Variants in ST6GAL2 observed in about 807,000 individuals in gnomAD.
ST6GAL2 encodes the protein beta-galactoside alpha-2,6-sialyltransferase 2.
In ST6GAL2, 24 loss-of-function variants were observed where a neutral mutation model predicts 37.5. The observed-to-expected ratio is 0.64, with a 90% CI of 0.46 to 0.90. The LOEUF is 0.90. ST6GAL2 is among the 40% of genes least tolerant of loss of function. ST6GAL2 has a pLI of 0.00. For missense variants in ST6GAL2, 715 were observed against 712.7 expected (o/e 1.00, Z -0.04); for synonymous variants, 306 against 295.1 (o/e 1.04, Z -0.38).
At chr2:106,814,340 A>T (rs980299139) in intron 5 of ST6GAL2, among the ~76,000 whole-genome samples, 1 of 152,240 alleles carries the variant, frequency 6.6e-6, no homozygotes, top group African/African-American at 2.4e-5. Context: ...ATGAGATTCC[A>T]AAAGCCAATA....
chr2:106,863,960 T>C (rs1270418858), intron 1 of ST6GAL2, among the ~76,000 whole-genome samples: 1 of 152,206 alleles, frequency 6.6e-6, no homozygotes, highest in Admixed American at 6.5e-5. Flanking sequence ...CTGGGTTCTA[T>C]CCCAGACTCA....
Position 106,843,152 on chromosome 2 carries a change from A to G in ST6GAL2, c.826T>C (p.Trp276Arg). The G allele has an allele frequency of 1.9e-6, 3 of 1,558,646 alleles. No homozygotes were observed. The highest frequency in any genetic ancestry group is 2.6e-6 in the Non-Finnish European group (3 of 1,154,122). The change falls in exon 2 of 6, where the codon TGG (tryptophan) becomes CGG (arginine). Residue 276 changes from tryptophan to arginine, a missense_variant. By Grantham distance (101) the Trp-to-Arg change is moderately radical (BLOSUM62 -3). Transcript: ENST00000409382. ...GTEAPFSALG[W>R]RRLVPAVPLS... The stretch of plus-strand genomic sequence containing the variant: ...GGCACGGCGGGCACCAGGCGCCGCC[A>G]GCCCAGCGCAGAAAAGGGCGCCTCG...
At chr2:106,829,990 C>T (rs1356623269) in intron 5 of ST6GAL2, 76 bp downstream of exon 5, 25 of 1,371,424 alleles carry the variant, frequency 1.8e-5, no homozygotes, top group Middle Eastern at 3.6e-4. Context: ...CTGTATAACA[C>T]GACTGTATAT....
intron 1 of ST6GAL2, among the ~76,000 whole-genome samples, chr2:106,849,683 T>C (rs889630201): frequency 2.6e-5 from 4 of 152,286 alleles, no homozygotes; most frequent in African/African-American, 9.6e-5. Flanking sequence ...AAGAGACATG[T>C]ACCATCTATC....
At chr2:106,822,868 T>C (rs922367573) in intron 5 of ST6GAL2, 1 of 152,168 alleles carries the variant, frequency 6.6e-6, no homozygotes, top group African/African-American at 2.4e-5. Flanking sequence ...AATGAAAGCA[T>C]AGTTTAATTT....
Position 106,843,837 on chromosome 2 carries a change from C to T in ST6GAL2, c.141G>A (p.Glu47=), listed in dbSNP as rs267598828. ...CCTGCACCGGCAGGAGCCTCCTGGTCTCCAGGAAGGAGAGGGAGCTGGGTA... is the reference window on the plus strand; with the variant it reads ...CCTGCACCGGCAGGAGCCTCCTGGTTTCCAGGAAGGAGAGGGAGCTGGGTA... ...EPVPSSLSFL[E]TRRLLPVQGK... The change falls in exon 2 of 6, where the codon GAG becomes GAA. Residue 47 remains glutamate, a synonymous_variant. Coordinates refer to ENST00000409382, the MANE Select transcript of ST6GAL2 (RefSeq NM_001142351.2). 57 of 1,612,194 alleles carry T rather than the reference C, an allele frequency of 3.5e-5. No individual in the cohort carries two copies. The African/African-American group carries it at 6.9e-4, about 20-fold the overall frequency.
chr2:106,807,497 G>A (rs1027694301), intron 5 of ST6GAL2, among the ~76,000 whole-genome samples: 4 of 152,154 alleles, frequency 2.6e-5, no homozygotes, highest in African/African-American at 4.8e-5. Flanking sequence ...AAGAAATGGA[G>A]TTAAAGCGAC....
intron 1 of ST6GAL2, among the ~76,000 whole-genome samples, chr2:106,861,842 G>T (rs907109780): frequency 2.4e-4 from 37 of 152,060 alleles, no homozygotes; most frequent in African/African-American, 8.7e-4. Flanking sequence ...GTGTTGGCCA[G>T]GCTGGTCTTG....
chr2:106,818,277 T>C (rs986747308), intron 5 of ST6GAL2, among the ~76,000 whole-genome samples: 6 of 152,214 alleles, frequency 3.9e-5, no homozygotes, highest in Non-Finnish European at 8.8e-5. Flanking sequence ...GCCAGTGCTA[T>C]GCTGGCTTCA....
At chr2:106,887,189 C>A (rs1030144617), upstream of ST6GAL2, 9 of 152,640 alleles carry the variant, frequency 5.9e-5, no homozygotes, top group African/African-American at 2.2e-4. Flanking sequence ...CAGCGCCTGG[C>A]AGCCGGCTGG....
In ST6GAL2 at chr2:106,810,617, G is replaced by C. The variant is rs140582447; in HGVS notation, c.1319-3668C>G. Among the ~76,000 whole-genome samples, 1,167 of 152,260 alleles carry C rather than the reference G, an allele frequency of 7.7e-3. 10 individuals are homozygous for C. The highest frequency in any genetic ancestry group is 0.024 in the Middle Eastern group (7 of 294). The stretch of plus-strand genomic sequence containing the variant: ...CAGCCACTGATACGGAATTGGTATG[G>C]AGGCATCTTCCAAAAAAAAGGAAAA... On this transcript the variant is annotated intron_variant, in intron 5 of 5. Coordinates refer to ENST00000409382, the MANE Select transcript of ST6GAL2 (RefSeq NM_001142351.2).
At chr2:106,809,279 A>G (rs1238695910) in intron 5 of ST6GAL2, among the ~76,000 whole-genome samples, 1 of 152,242 alleles carries the variant, frequency 6.6e-6, no homozygotes, top group Non-Finnish European at 1.5e-5. Context: ...ATTAATCAAT[A>G]TATTTATTAC....
chr2:106,820,253 A>G (rs549556760), intron 5 of ST6GAL2, among the ~76,000 whole-genome samples: 128 of 152,160 alleles, frequency 8.4e-4, no homozygotes, highest in African/African-American at 2.8e-3. Context: ...AGACACATAG[A>G]CTGAAAATAA....
chr2:106,846,070 G>C (rs1677133099), intron 1 of ST6GAL2, among the ~76,000 whole-genome samples: 1 of 151,386 alleles, frequency 6.6e-6, no homozygotes, highest in Non-Finnish European at 1.5e-5. Context: ...TCCCAGCCCA[G>C]GCACCAAATG....
chr2:106,807,414 T>C (rs527363210), intron 5 of ST6GAL2, among the ~76,000 whole-genome samples: 1 of 152,348 alleles, frequency 6.6e-6, no homozygotes, highest in East Asian at 1.9e-4. Flanking sequence ...TTGACTATAA[T>C]ACAGTTGTTT....
In ST6GAL2 at chr2:106,805,615, A is replaced by G. The variant is rs1675389487; in HGVS notation, c.*1063T>C. 1 of 152,228 alleles carries G rather than the reference A, an allele frequency of 6.6e-6. No individual in the cohort carries two copies. Among genetic ancestry groups the G allele is most frequent in the Non-Finnish European group, 1.5e-5 (1 of 68,034 alleles). The allele number at this position is 152,228 out of a possible 1,614,324, so 9.4% of individuals were successfully genotyped here. ...TAAATGTCTGTAGGAAGATTTAGTG[A>G]AGATTCAGTGCTCATCACTGTGGAG... On this transcript the variant is annotated 3_prime_UTR_variant, in exon 6 of 6. Coordinates refer to ENST00000409382, the MANE Select transcript of ST6GAL2 (RefSeq NM_001142351.2).
At chr2:106,839,182 C>A (rs1182339914) in intron 2 of ST6GAL2, among the ~76,000 whole-genome samples, 1 of 152,152 alleles carries the variant, frequency 6.6e-6, no homozygotes. Flanking sequence ...AGATGATCTG[C>A]CTTCCAAGCC....
At chr2:106,862,961 T>A (rs1677869296) in intron 1 of ST6GAL2, among the ~76,000 whole-genome samples, 1 of 151,278 alleles carries the variant, frequency 6.6e-6, no homozygotes, top group African/African-American at 2.4e-5. Context: ...AATAGAATCA[T>A]GAGTGCATTG....
chr2:106,839,041 A>C (rs1479611701), intron 2 of ST6GAL2, among the ~76,000 whole-genome samples: 1 of 150,562 alleles, frequency 6.6e-6, no homozygotes, highest in East Asian at 1.9e-4. Flanking sequence ...ATCTCAAAAA[A>C]GCAAAAAAAC....
Sources: gnomAD v4.1 joint callset for allele counts (sites outside exome capture counted in the v4.1 genomes callset) on GRCh38, gnomAD v4.1.1 for gene constraint, MANE v1.5 for transcripts, NCBI Gene and HGNC (gene_info 2026-07-23, HGNC 2026-07-21) for gene names.